ST8SIA1: variants seen among roughly 807,000 people sequenced by gnomAD.
The protein encoded by ST8SIA1 is ST8 alpha-N-acetyl-neuraminide alpha-2,8-sialyltransferase 1, also known as alpha-N-acetylneuraminide alpha-2,8-sialyltransferase.
A neutral mutation model predicts 35.9 loss-of-function variants in ST8SIA1; 16 were observed. The ratio of observed to expected loss-of-function variants is 0.45; its 90% CI spans 0.30 to 0.68. The LOEUF is 0.68. Among genes scored for constraint, ST8SIA1 ranks in the 30% least tolerant of loss-of-function variants. The pLI is 0.09. For synonymous variants in ST8SIA1, 170 were observed against 169.6 expected (o/e 1.00, Z -0.02); for missense variants, 383 against 453.6 (o/e 0.84, Z 1.41).
intron 1 of ST8SIA1, among the ~76,000 whole-genome samples, chr12:22,333,587 CG>C (rs1866797185): frequency 6.6e-6 from 1 of 152,208 alleles, no homozygotes; most frequent in South Asian, 2.1e-4. Flanking sequence ...CACTCCACCT[CG>C]GGGAGATGCC....
chr12:22,327,719 G>A lies in ST8SIA1; in HGVS notation c.236+6278C>T, dbSNP rs192448963. ...CTGTTATATTACTTTCAACAGAGAC[G>A]GTTGCTTATATAAATATCCTAAAAC... On this transcript the variant is annotated intron_variant, in intron 1 of 4. Transcript: ENST00000396037. 1.7e-3 allele frequency among the ~76,000 whole-genome samples: 264 copies of A among 152,096 alleles called. 2 individuals are homozygous for A. Among genetic ancestry groups the A allele is most frequent in the African/African-American group, 6.0e-3 (250 of 41,502 alleles).
intron 1 of ST8SIA1, among the ~76,000 whole-genome samples, chr12:22,304,182 A>T (rs2193181): frequency 0.28 from 42,151 of 152,118 alleles, 6,045 homozygotes; most frequent in Middle Eastern, 0.39. Context: ...CATAAGATTT[A>T]AAAAGATTTT....
chr12:22,292,763 G>C (rs558102446), intron 1 of ST8SIA1, among the ~76,000 whole-genome samples: 9 of 152,170 alleles, frequency 5.9e-5, no homozygotes, highest in South Asian at 2.1e-4. Flanking sequence ...AGAAAGAATG[G>C]GAGAAAAGAA....
In ST8SIA1 at chr12:22,194,129, A is replaced by G. The variant is rs1242351857; in HGVS notation, c.*7423T>C. The G allele has an allele frequency of 6.6e-6, 1 of 152,140 alleles. No homozygotes were observed. The highest frequency in any genetic ancestry group is 2.4e-5 in the African/African-American group (1 of 41,428). 9.4% of individuals were successfully genotyped at this position (152,140 alleles called of 1,614,324 possible). A position where few individuals can be genotyped will look rare whatever the true frequency, so the allele number is the denominator to read the frequency against. Reference sequence around the variant, plus strand: ...CTTCTCTCTAGTGTCTCTATGATGTACCCTAGTGGCCATCAGACATCCTAA... The same window carrying G: ...CTTCTCTCTAGTGTCTCTATGATGTGCCCTAGTGGCCATCAGACATCCTAA... On this transcript the variant is annotated 3_prime_UTR_variant, in exon 5 of 5. Transcript: ENST00000396037.
At chr12:22,308,399 A>T (rs971139105) in intron 1 of ST8SIA1, among the ~76,000 whole-genome samples, 1 of 152,222 alleles carries the variant, frequency 6.6e-6, no homozygotes, top group African/African-American at 2.4e-5. Flanking sequence ...TTAGATTCTC[A>T]GCCTTTCTTC....
At chr12:22,304,948 G>A (rs1866366255) in intron 1 of ST8SIA1, among the ~76,000 whole-genome samples, 1 of 152,166 alleles carries the variant, frequency 6.6e-6, no homozygotes, top group Admixed American at 6.5e-5. Context: ...AGTACCTTGA[G>A]ATGTAAATTT....
At position 22,193,656 on chromosome 12, in the gene ST8SIA1, T is replaced by C. The variant is rs915591810; in HGVS notation, c.*7896A>G. ...AAAGTACCAATTAAAGTTTTCTTTTTTACCTGCAACATTTTAGATGAAACT... is the reference window on the plus strand; with the variant it reads ...AAAGTACCAATTAAAGTTTTCTTTTCTACCTGCAACATTTTAGATGAAACT... On this transcript the variant is annotated 3_prime_UTR_variant, in exon 5 of 5. Transcript: ENST00000396037. 4 of 152,202 alleles carry C rather than the reference T, an allele frequency of 2.6e-5. No individual in the cohort carries two copies. The highest frequency in any genetic ancestry group is 9.6e-5 in the African/African-American group (4 of 41,460). 9.4% of individuals were successfully genotyped at this position (152,202 alleles called of 1,614,324 possible). A position where few individuals can be genotyped will look rare whatever the true frequency, so the allele number is the denominator to read the frequency against.
intron 4 of ST8SIA1, among the ~76,000 whole-genome samples, chr12:22,236,541 C>T (rs1865477671): frequency 6.6e-6 from 1 of 152,168 alleles, no homozygotes; most frequent in Admixed American, 6.5e-5. Flanking sequence ...TGGGAGAAAG[C>T]TGGTACAAAT....
chr12:22,253,300 C>T (rs113047772), intron 3 of ST8SIA1, among the ~76,000 whole-genome samples: 1 of 152,142 alleles, frequency 6.6e-6, no homozygotes, highest in African/African-American at 2.4e-5. Context: ...GAGAGGGTGC[C>T]TGAAGGTGGT....
At chr12:22,317,235 G>A (rs954588443) in intron 1 of ST8SIA1, among the ~76,000 whole-genome samples, 1 of 152,202 alleles carries the variant, frequency 6.6e-6, no homozygotes, top group Non-Finnish European at 1.5e-5. Flanking sequence ...TCTACTGATA[G>A]ACGTTGTGGG....
At chr12:22,217,034 G>A (rs945395773) in intron 4 of ST8SIA1, among the ~76,000 whole-genome samples, 3 of 152,130 alleles carry the variant, frequency 2.0e-5, no homozygotes, top group Admixed American at 6.5e-5. Context: ...TCTCTCATTA[G>A]GCACTAGTTC....
In ST8SIA1 at chr12:22,247,046, AT is replaced by A. The variant is rs998453962; in HGVS notation, c.584+1959del. 5.3e-5 allele frequency among the ~76,000 whole-genome samples: 8 copies of A among 151,554 alleles called. No individual in the cohort carries two copies. The East Asian group carries it at 7.8e-4, about 15-fold the overall frequency. On this transcript the variant is annotated intron_variant, in intron 4 of 4. Coordinates refer to ENST00000396037, the MANE Select transcript of ST8SIA1 (RefSeq NM_003034.4). ...CTGTCCTTCCTCCATTTGTATTTATATTTTTTCCCCCAAAACAGTCTCTCCC... is the reference window on the plus strand; with the variant it reads ...CTGTCCTTCCTCCATTTGTATTTATATTTTTCCCCCAAAACAGTCTCTCCC...
intron 3 of ST8SIA1, among the ~76,000 whole-genome samples, chr12:22,254,721 G>A (rs1288294469): frequency 6.6e-6 from 1 of 152,068 alleles, no homozygotes; most frequent in African/African-American, 2.4e-5. Context: ...TGTTTTTCCT[G>A]GAACTGACGT....
At chr12:22,220,555 T>A (rs934676138) in intron 4 of ST8SIA1, among the ~76,000 whole-genome samples, 14 of 152,180 alleles carry the variant, frequency 9.2e-5, no homozygotes, top group Non-Finnish European at 2.1e-4. Context: ...CTAACTTTTT[T>A]CCCCCTGCAA....
intron 1 of ST8SIA1, among the ~76,000 whole-genome samples, chr12:22,302,105 T>G (rs2135825621): frequency 6.6e-6 from 1 of 152,336 alleles, no homozygotes; most frequent in East Asian, 1.9e-4. Flanking sequence ...TTTCAAAAAC[T>G]ATAGTACATC....
At chr12:22,205,347 AAATG>A (rs1865094895) in intron 4 of ST8SIA1, among the ~76,000 whole-genome samples, 1 of 152,180 alleles carries the variant, frequency 6.6e-6, no homozygotes, top group African/African-American at 2.4e-5. Flanking sequence ...TTAAAAATAA[AAATG>A]AAGATCAGCC....
intron 1 of ST8SIA1, among the ~76,000 whole-genome samples, chr12:22,304,367 T>G (rs1175392009): frequency 6.6e-6 from 1 of 151,042 alleles, no homozygotes; most frequent in Non-Finnish European, 1.5e-5. Context: ...AGCAAAAGTT[T>G]TTTTCTTCTC....
At chr12:22,313,199 T>C (rs1473997152) in intron 1 of ST8SIA1, among the ~76,000 whole-genome samples, 1 of 152,152 alleles carries the variant, frequency 6.6e-6, no homozygotes, top group Non-Finnish European at 1.5e-5. Flanking sequence ...CCCTCATACA[T>C]TAGTAGAGAG....
intron 1 of ST8SIA1, among the ~76,000 whole-genome samples, chr12:22,320,963 GAAAGAA>G (rs1565595854): frequency 2.5e-4 from 20 of 78,806 alleles, no homozygotes; most frequent in African/African-American, 8.4e-4. Context: ...GAAAGAGAAA[GAAAGAA>G]AGAAAGAAAG....
Sources: allele counts gnomAD v4.1 joint callset (sites outside exome capture counted in the v4.1 genomes callset), GRCh38; gene constraint gnomAD v4.1.1; transcripts MANE v1.5; gene names NCBI Gene and HGNC (gene_info 2026-07-23, HGNC 2026-07-21).